The following MALRD1 variants were observed in gnomAD, a reference collection of about 807,000 sequenced individuals.
The protein encoded by MALRD1 is MAM and LDL-receptor class A domain-containing protein 1.
A neutral mutation model predicts 242.1 loss-of-function variants in MALRD1; 247 were observed. The observed-to-expected ratio is 1.02, with a 90% CI of 0.92 to 1.13. The LOEUF is 1.13. Ranked by LOEUF, MALRD1 falls within the 50% of genes most tolerant of loss-of-function variation. MALRD1 has a pLI of 0.00. For synonymous variants in MALRD1, 995 were observed against 866.6 expected (o/e 1.15, Z -2.60); for missense variants, 2,989 against 2,533.1 (o/e 1.18, Z -3.86).
chr10:19,189,284 C>G (rs1309737248), intron 14 of MALRD1, among the ~76,000 whole-genome samples: 1 of 151,980 alleles, frequency 6.6e-6, no homozygotes, highest in African/African-American at 2.4e-5. Flanking sequence ...CTGAATGGAC[C>G]TACAACTAGC....
chr10:19,511,563 T>G (rs3852468), intron 31 of MALRD1, among the ~76,000 whole-genome samples: 3 of 152,106 alleles, frequency 2.0e-5, no homozygotes, highest in Non-Finnish European at 2.9e-5. Context: ...AAAACCCTCA[T>G]TATATGTTTT....
chr10:19,465,409 A>C (rs551943730), intron 29 of MALRD1, among the ~76,000 whole-genome samples: 1 of 152,324 alleles, frequency 6.6e-6, no homozygotes, highest in South Asian at 2.1e-4. Flanking sequence ...GTATGACTTT[A>C]ACATATATTG....
intron 33 of MALRD1, 65 bp from the exon 34 acceptor site, chr10:19,595,129 G>A: frequency 2.8e-6 from 4 of 1,442,510 alleles, no homozygotes; most frequent in Non-Finnish European, 3.7e-6. Context: ...AACCTGTAAT[G>A]TCCCAACACT....
intron 31 of MALRD1, among the ~76,000 whole-genome samples, chr10:19,523,798 AT>A (rs1833977706): frequency 6.6e-6 from 1 of 151,458 alleles, no homozygotes; most frequent in Admixed American, 6.6e-5. Context: ...CAGAAGCTTC[AT>A]TTTTGTATCA....
At chr10:19,111,177 G>A (rs1008648433) in intron 5 of MALRD1, among the ~76,000 whole-genome samples, 1 of 152,112 alleles carries the variant, frequency 6.6e-6, no homozygotes. Flanking sequence ...AATGTCAGAT[G>A]TGTAGTAAGT....
chr10:19,125,322 C>CTTCTTTCTTTCT (rs1200202607), intron 7 of MALRD1, among the ~76,000 whole-genome samples: 43 of 63,806 alleles, frequency 6.7e-4, no homozygotes, highest in South Asian at 1.9e-3. Context: ...TCCTTCCTTC[C>CTTCTTTCTTTCT]TTCTTTCTTT....
rs1007295404 is a variant in MALRD1 at position 19,626,388 on chromosome 10, A to C, written c.6137+10465A>C. ...GTTTTAGCCAAAGGTACAAGCCAAA[A>C]TAAGTAGAAGCTAAACATATTGAAA... On this transcript the variant is annotated intron_variant, in intron 36 of 39. Coordinates refer to ENST00000454679, the MANE Select transcript of MALRD1 (RefSeq NM_001142308.3). Among the ~76,000 whole-genome samples the C allele has an allele frequency of 2.0e-5, 3 of 151,788 alleles. No individual in the cohort carries two copies. The East Asian group carries it at 5.8e-4, about 29-fold the overall frequency.
chr10:19,627,283 T>C (rs1839694190), intron 36 of MALRD1, among the ~76,000 whole-genome samples: 1 of 152,114 alleles, frequency 6.6e-6, no homozygotes, highest in African/African-American at 2.4e-5. Flanking sequence ...AATCTTGAAG[T>C]ATGAGGGTCT....
chr10:19,059,797 G>T (rs1012437879), intron 1 of MALRD1, among the ~76,000 whole-genome samples: 10 of 152,062 alleles, frequency 6.6e-5, no homozygotes, highest in African/African-American at 1.9e-4. Context: ...ATGAAAGCAA[G>T]ATAATATTAG....
intron 24 of MALRD1, among the ~76,000 whole-genome samples, chr10:19,340,580 A>G (rs1007076266): frequency 1.4e-4 from 21 of 152,128 alleles, no homozygotes; most frequent in African/African-American, 5.1e-4. Context: ...ACAAAGTCAC[A>G]AATCCATTTC....
chr10:19,056,207 T>G (rs894314926), intron 1 of MALRD1, among the ~76,000 whole-genome samples: 1 of 152,196 alleles, frequency 6.6e-6, no homozygotes, highest in African/African-American at 2.4e-5. Flanking sequence ...GATTTAAGTT[T>G]TTTTTTCTAT....
At chr10:19,450,208 G>C in intron 28 of MALRD1, 99 bp from the exon 29 acceptor site, 1 of 1,031,960 alleles carries the variant, frequency 9.7e-7, no homozygotes, top group South Asian at 1.8e-5. Flanking sequence ...GTTTTTATTG[G>C]TCAAATGCTT....
chr10:19,235,513 TA>T lies in MALRD1; in HGVS notation c.2992-22165del, dbSNP rs201550436. Among the ~76,000 whole-genome samples the T allele has an allele frequency of 6.8e-3, 973 of 144,122 alleles. 5 individuals are homozygous for T. Among genetic ancestry groups the T allele is most frequent in the Admixed American group, 0.01 (148 of 14,166 alleles). The allele number at this position is 144,122 out of a possible 152,430, so 94.5% of individuals were successfully genotyped here. On this transcript the variant is annotated intron_variant, in intron 18 of 39. Coordinates refer to ENST00000454679, the MANE Select transcript of MALRD1 (RefSeq NM_001142308.3). ...TAAGTTCCCTGTAGATTCTGGATAC[TA>T]AAAAACAAACAAAAACCAGAAGTAA...
chr10:19,155,988 C>T (rs983681606), intron 12 of MALRD1, among the ~76,000 whole-genome samples: 4 of 152,120 alleles, frequency 2.6e-5, no homozygotes, highest in Non-Finnish European at 5.9e-5. Flanking sequence ...TTCAGCTTGT[C>T]TTATTTTCAG....
chr10:19,417,942 G>A (rs895758381), intron 28 of MALRD1, among the ~76,000 whole-genome samples: 7 of 151,680 alleles, frequency 4.6e-5, no homozygotes, highest in African/African-American at 7.3e-5. Flanking sequence ...GAGTGCCTAC[G>A]GTGCACTGGG....
chr10:19,389,544 T>C lies in MALRD1; in HGVS notation c.4780T>C (p.Cys1594Arg). 1 of 1,550,752 alleles carries C rather than the reference T, an allele frequency of 6.4e-7. No homozygotes were observed. The highest frequency in any genetic ancestry group is 1.2e-5 in the South Asian group (1 of 84,064). The change falls in exon 28 of 40, where the codon TGC becomes CGC. Residue 1594 changes from cysteine (C) to arginine (R), a missense_variant. Transcript: ENST00000454679. ...CATGTGGCGAGAATCCAGTGCAGCC[T>C]GCACCATGAGCTTCTGGTATTTCGT... is the stretch of plus-strand genomic sequence containing the variant. ...STMWRESSAA[C>R]TMSFWYFVSA... is the part of the protein sequence containing the mutation.
At chr10:19,164,297 A>C (rs553415793) in intron 12 of MALRD1, among the ~76,000 whole-genome samples, 17 of 152,094 alleles carry the variant, frequency 1.1e-4, no homozygotes, top group Non-Finnish European at 2.2e-4. Flanking sequence ...CATTTAAAAC[A>C]TTTTTTTTGG....
Position 19,136,599 on chromosome 10 carries a change from G to A in MALRD1, c.1229G>A (p.Ser410Asn). 8.1e-7 allele frequency: 1 copy of A among 1,231,474 alleles called. No homozygotes were observed. Among genetic ancestry groups the A allele is most frequent in the Non-Finnish European group, 1.0e-6 (1 of 987,814 alleles). The allele number at this position is 1,231,474 out of a possible 1,614,324, so 76.3% of individuals were successfully genotyped here. Reference protein sequence around the residue: ...FKIIFEGTLLSQRSFIALDHL... With the variant: ...FKIIFEGTLLNQRSFIALDHL... ...ATTATTTTTGAAGGGACTCTTTTGA[G>A]CCAGAGAAGTTTTATTGCCCTTGAT... The change falls in exon 10 of 40, where the codon AGC (serine) becomes AAC (asparagine). Residue 410 changes from serine to asparagine, a missense_variant. By Grantham distance (46) the Ser-to-Asn change is conservative. Coordinates refer to ENST00000454679, the MANE Select transcript of MALRD1 (RefSeq NM_001142308.3).
chr10:19,212,632 C>T (rs72786570), intron 18 of MALRD1, among the ~76,000 whole-genome samples: 17 of 152,178 alleles, frequency 1.1e-4, no homozygotes, highest in Non-Finnish European at 1.9e-4. Context: ...CTGAGTCTTA[C>T]GGCAGAAGTA....
Sources: allele counts gnomAD v4.1 joint callset (sites outside exome capture counted in the v4.1 genomes callset), GRCh38; gene constraint gnomAD v4.1.1; transcripts MANE v1.5; gene names NCBI Gene and HGNC (gene_info 2026-07-23, HGNC 2026-07-21).